The following TMEM272 variants were observed in gnomAD, a reference collection of about 807,000 sequenced individuals.
TMEM272 encodes long intergenic non-protein coding RNA 282.
Under a neutral mutation model 3.7 loss-of-function variants are expected in TMEM272, and 8 were observed. That is an observed-to-expected ratio of 2.17 (90% CI 1.27 to 3.91). The LOEUF is 3.91. TMEM272 is among the 30% of genes most tolerant of loss of function. The pLI is 0.00. For missense variants in TMEM272, 166 were observed against 91.5 expected (o/e 1.81, Z -3.32); for synonymous variants, 63 against 39.8 (o/e 1.58, Z -2.20).
At chr13:51,825,955 G>T (rs745862465) in intron 3 of TMEM272, among the ~76,000 whole-genome samples, 20 of 151,822 alleles carry the variant, frequency 1.3e-4, no homozygotes, top group Non-Finnish European at 2.9e-4. Context: ...CTGTACACAG[G>T]GCTCCCATTA....
rs1318516193 is a variant in TMEM272 at position 51,813,444 on chromosome 13, T to C, written c.*3307A>G. The stretch of plus-strand genomic sequence containing the variant: ...CACAAAGATGAAAGCTATTGACCAC[T>C]TGGCCACTTCTCATACTAAAAGAGA... On this transcript the variant is annotated 3_prime_UTR_variant, in exon 5 of 5. Coordinates refer to ENST00000629372, the MANE Select transcript of TMEM272 (RefSeq NM_001351003.2). 5.1e-6 allele frequency: 2 copies of C among 394,162 alleles called. No homozygotes were observed. The highest frequency in any genetic ancestry group is 2.1e-5 in the African/African-American group (1 of 48,510). The allele number at this position is 394,162 out of a possible 1,614,324, so 24.4% of individuals were successfully genotyped here. A position where few individuals can be genotyped will look rare whatever the true frequency, so the allele number is the denominator to read the frequency against.
At position 51,815,815 on chromosome 13, in the gene TMEM272, T is replaced by A. The variant is rs547081528; in HGVS notation, c.*936A>T. 2 of 152,302 alleles carry A rather than the reference T, an allele frequency of 1.3e-5. No individual in the cohort carries two copies. The highest frequency in any genetic ancestry group is 3.9e-4 in the East Asian group (2 of 5,176). The allele number at this position is 152,302 out of a possible 1,614,324, so 9.4% of individuals were successfully genotyped here. A position where few individuals can be genotyped will look rare whatever the true frequency, so the allele number is the denominator to read the frequency against. The stretch of plus-strand genomic sequence containing the variant: ...CGGTGTCATCCTGGACTTCCAGACA[T>A]CTCAATTTACAAAAGGCTTCCAAAG... On this transcript the variant is annotated 3_prime_UTR_variant, in exon 5 of 5. Transcript: ENST00000629372.
the TMEM272 span, among the ~76,000 whole-genome samples, chr13:51,881,410 G>A: frequency 2.0e-3 from 309 of 151,862 alleles, no homozygotes; most frequent in African/African-American, 7.0e-3. Flanking sequence ...CTAGAAAGGC[G>A]GCAGGAGGAA....
the TMEM272 span, among the ~76,000 whole-genome samples, chr13:51,862,725 T>G: frequency 6.6e-6 from 1 of 151,978 alleles, no homozygotes; most frequent in South Asian, 2.1e-4. Flanking sequence ...TGAAGTGAGG[T>G]TGGGCAAGGA....
chr13:51,909,016 T>A, the TMEM272 span: 61 of 1,468,386 alleles, frequency 4.2e-5, no homozygotes, highest in Middle Eastern at 1.7e-4. Context: ...TCCAACAAAG[T>A]CGGAAGATAG....
chr13:51,866,316 G>A, the TMEM272 span: 4 of 443,222 alleles, frequency 9.0e-6, no homozygotes, highest in Admixed American at 3.9e-5. Flanking sequence ...CACAGAGATC[G>A]GTCCCAGGCA....
Position 51,816,524 on chromosome 13 carries a change from A to G in TMEM272, c.*227T>C, listed in dbSNP as rs1399223554. On this transcript the variant is annotated 3_prime_UTR_variant, in exon 5 of 5. Coordinates refer to ENST00000629372, the MANE Select transcript of TMEM272 (RefSeq NM_001351003.2). Reference sequence around the variant, plus strand: ...AGAACAAAATTCCCACTCTGAAAAGAGCAGAAGTGATTTCCCCATGTCTAG... The same window carrying G: ...AGAACAAAATTCCCACTCTGAAAAGGGCAGAAGTGATTTCCCCATGTCTAG... 2.1e-6 allele frequency: 1 copy of G among 479,850 alleles called. No individual in the cohort carries two copies. The highest frequency in any genetic ancestry group is 3.2e-5 in the East Asian group (1 of 30,944). The allele number at this position is 479,850 out of a possible 1,614,324, so 29.7% of individuals were successfully genotyped here. A position where few individuals can be genotyped will look rare whatever the true frequency, so the allele number is the denominator to read the frequency against.
At chr13:51,826,728 C>T (rs1348276271) in intron 2 of TMEM272, 103 bp from the exon 3 acceptor site, 2 of 681,184 alleles carry the variant, frequency 2.9e-6, no homozygotes, top group Admixed American at 4.1e-5. Context: ...CTGACTTTCT[C>T]TCCAGTGGCA....
At chr13:51,906,095 G>A in the TMEM272 span, among the ~76,000 whole-genome samples, 1 of 152,188 alleles carries the variant, frequency 6.6e-6, no homozygotes, top group Non-Finnish European at 1.5e-5. Context: ...TCTTCTCCTA[G>A]CAAATGGTGG....
At chr13:51,924,622 G>C in the TMEM272 span, among the ~76,000 whole-genome samples, 1 of 152,126 alleles carries the variant, frequency 6.6e-6, no homozygotes, top group Non-Finnish European at 1.5e-5. Flanking sequence ...GGAAGAGAAA[G>C]AAGAGAGCAC....
At chr13:51,928,322 G>A in the TMEM272 span, among the ~76,000 whole-genome samples, 1 of 152,198 alleles carries the variant, frequency 6.6e-6, no homozygotes, top group East Asian at 1.9e-4. Flanking sequence ...ACTCTTAACA[G>A]CAACGATGAC....
the TMEM272 span, among the ~76,000 whole-genome samples, chr13:51,924,557 G>T: frequency 6.6e-6 from 1 of 151,988 alleles, no homozygotes; most frequent in South Asian, 2.1e-4. Flanking sequence ...GCATTCTTGG[G>T]GCCACAGTTC....
the TMEM272 span, among the ~76,000 whole-genome samples, chr13:51,873,682 C>T: frequency 6.6e-6 from 1 of 152,140 alleles, no homozygotes; most frequent in Non-Finnish European, 1.5e-5. Flanking sequence ...CTTCCCTCAG[C>T]CTTCACCAGG....
chr13:51,838,204 G>A (rs1008764412), intron 2 of TMEM272, among the ~76,000 whole-genome samples: 1 of 152,210 alleles, frequency 6.6e-6, no homozygotes, highest in African/African-American at 2.4e-5. Flanking sequence ...TTGTAGCAGT[G>A]ACTCCGTTCA....
At chr13:51,923,565 G>A in the TMEM272 span, among the ~76,000 whole-genome samples, 1 of 152,016 alleles carries the variant, frequency 6.6e-6, no homozygotes. Flanking sequence ...TGGGGCTGGC[G>A]CTGTGGACTT....
intron 3 of TMEM272, among the ~76,000 whole-genome samples, chr13:51,824,678 C>T (rs1593591948): frequency 6.6e-6 from 1 of 152,168 alleles, no homozygotes; most frequent in Non-Finnish European, 1.5e-5. Flanking sequence ...ACTGGCTGGG[C>T]GCGGTGGCTC....
chr13:51,840,679 C>T (rs566206515), intron 1 of TMEM272, among the ~76,000 whole-genome samples: 7 of 152,216 alleles, frequency 4.6e-5, no homozygotes, highest in Non-Finnish European at 1.0e-4. Context: ...GTGGGGGATG[C>T]GCATGAGTCT....
rs1955991409 is a variant in TMEM272 at position 51,813,868 on chromosome 13, G to A, written c.*2883C>T. The A allele has an allele frequency of 6.6e-6, 1 of 152,234 alleles. No individual in the cohort carries two copies. The highest frequency in any genetic ancestry group is 2.4e-5 in the African/African-American group (1 of 41,450). 9.4% of individuals were successfully genotyped at this position (152,234 alleles called of 1,614,324 possible). Reference sequence around the variant, plus strand: ...GCTGCAGTCTTTTCTCAGATGGGAAGAACAGATTATCCCTCTCTGCCACAT... The same window carrying A: ...GCTGCAGTCTTTTCTCAGATGGGAAAAACAGATTATCCCTCTCTGCCACAT... On this transcript the variant is annotated 3_prime_UTR_variant, in exon 5 of 5. Coordinates refer to ENST00000629372, the MANE Select transcript of TMEM272 (RefSeq NM_001351003.2).
chr13:51,892,872 C>T, the TMEM272 span, among the ~76,000 whole-genome samples: 3 of 152,174 alleles, frequency 2.0e-5, no homozygotes, highest in African/African-American at 7.2e-5. Flanking sequence ...GTTGCCTCAC[C>T]CTCCCCTGGT....
Sources: allele counts gnomAD v4.1 joint callset (sites outside exome capture counted in the v4.1 genomes callset), GRCh38; gene constraint gnomAD v4.1.1; transcripts MANE v1.5; gene names NCBI Gene and HGNC (gene_info 2026-07-23, HGNC 2026-07-21).